MEF2C: variants seen among roughly 807,000 people sequenced by gnomAD.
MEF2C encodes the protein myocyte enhancer factor 2C, also known as myocyte-specific enhancer factor 2C.
Under a neutral mutation model 50.5 loss-of-function variants are expected in MEF2C, and 6 were observed. That is an observed-to-expected ratio of 0.12 (90% CI 0.07 to 0.23). The LOEUF is 0.23. MEF2C is among the 10% of genes least tolerant of loss of function. The pLI is 1.00. For synonymous variants in MEF2C, 183 were observed against 228.0 expected, an observed-to-expected ratio of 0.80 and a Z score of 1.78; for missense variants, 276 against 605.0, an observed-to-expected ratio of 0.46 and a Z score of 5.70.
chr5:88,824,136 A>C (rs1416029557), intron 1 of MEF2C: 1 of 891,764 alleles, frequency 1.1e-6, no homozygotes, highest in African/African-American at 1.8e-5. Context: ...AAATGATCTC[A>C]TAAGTAATTT....
intron 3 of MEF2C, among the ~76,000 whole-genome samples, chr5:88,804,006 C>A (rs1799372428): frequency 6.6e-6 from 1 of 152,056 alleles, no homozygotes; most frequent in African/African-American, 2.4e-5. Flanking sequence ...ATTTCTGATT[C>A]CATGTATATT....
At chr5:88,775,966 C>G (rs1344041143) in intron 3 of MEF2C, 1 of 225,522 alleles carries the variant, frequency 4.4e-6, no homozygotes, top group Non-Finnish European at 7.4e-6. Context: ...AGGAATGAGC[C>G]AAATGTTTCA....
intron 1 of MEF2C, among the ~76,000 whole-genome samples, chr5:88,845,777 GCT>G (rs1391023075): frequency 6.6e-6 from 1 of 151,968 alleles, no homozygotes; most frequent in Non-Finnish European, 1.5e-5. Flanking sequence ...ATGGAGTCTC[GCT>G]CTGTCGCCAG....
At chr5:88,769,498 C>A (rs1320269266) in intron 3 of MEF2C, among the ~76,000 whole-genome samples, 3 of 152,170 alleles carry the variant, frequency 2.0e-5, no homozygotes, top group Non-Finnish European at 4.4e-5. Context: ...ATGGGGAAGT[C>A]TGGCACACGT....
intron 3 of MEF2C, among the ~76,000 whole-genome samples, chr5:88,773,499 A>G (rs1325940230): frequency 1.3e-5 from 2 of 152,142 alleles, no homozygotes; most frequent in African/African-American, 2.4e-5. Flanking sequence ...GTTATTTCAT[A>G]TTGTTGCTAT....
intron 3 of MEF2C, among the ~76,000 whole-genome samples, chr5:88,788,743 C>CTATG (rs1329900786): frequency 6.6e-6 from 1 of 152,100 alleles, no homozygotes; most frequent in Non-Finnish European, 1.5e-5. Flanking sequence ...TAATGCAGAT[C>CTATG]TATGTCTTTT....
chr5:88,861,061 A>T (rs1196620818), intron 1 of MEF2C, among the ~76,000 whole-genome samples: 1 of 152,244 alleles, frequency 6.6e-6, no homozygotes, highest in African/African-American at 2.4e-5. Flanking sequence ...AAAAAGCAGG[A>T]TTCTATAGAA....
chr5:88,778,509 T>A (rs887877406), intron 3 of MEF2C, among the ~76,000 whole-genome samples: 7 of 152,030 alleles, frequency 4.6e-5, no homozygotes, highest in African/African-American at 1.5e-4. Flanking sequence ...GGGAATAGAT[T>A]GGGGAAAAGA....
At chr5:88,832,297 T>C (rs1184332405) in intron 1 of MEF2C, among the ~76,000 whole-genome samples, 2 of 152,142 alleles carry the variant, frequency 1.3e-5, no homozygotes, top group Admixed American at 6.6e-5. Context: ...TTGCTTATAA[T>C]GATCTTTTAA....
chr5:88,834,527 A>T (rs868058536), intron 1 of MEF2C, among the ~76,000 whole-genome samples: 64 of 152,176 alleles, frequency 4.2e-4, no homozygotes, highest in African/African-American at 1.5e-3. Context: ...AAAGGGCAAC[A>T]CACAAGTGCA....
At chr5:88,748,187 T>C (rs964580990) in intron 6 of MEF2C, 1 of 983,402 alleles carries the variant, frequency 1.0e-6, no homozygotes, top group South Asian at 4.7e-5. Context: ...TTCTTATAAT[T>C]AGCAGGCTAT....
At chr5:88,769,225 G>A (rs1471381417) in intron 3 of MEF2C, among the ~76,000 whole-genome samples, 1 of 152,150 alleles carries the variant, frequency 6.6e-6, no homozygotes, top group Non-Finnish European at 1.5e-5. Flanking sequence ...TCAAATTCTT[G>A]GGCAAAGTTC....
At chr5:88,735,058 T>C (rs1763534073) in intron 6 of MEF2C, 2 of 985,240 alleles carry the variant, frequency 2.0e-6, no homozygotes, top group Admixed American at 6.2e-5. Context: ...GGACATAATA[T>C]AGATTCAGGA....
intron 1 of MEF2C, among the ~76,000 whole-genome samples, chr5:88,903,189 A>G (rs1835836509): frequency 6.6e-6 from 1 of 151,852 alleles, no homozygotes; most frequent in South Asian, 2.1e-4. Context: ...ATATATAAAT[A>G]TACGAATTTT....
intron 1 of MEF2C, among the ~76,000 whole-genome samples, chr5:88,896,487 T>C (rs1306792354): frequency 1.3e-5 from 2 of 152,220 alleles, no homozygotes; most frequent in Non-Finnish European, 2.9e-5. Context: ...GGGAGAGGTT[T>C]AGGGACAGAG....
At chr5:88,864,904 A>G (rs1404951977) in intron 1 of MEF2C, among the ~76,000 whole-genome samples, 1 of 151,530 alleles carries the variant, frequency 6.6e-6, no homozygotes, top group Non-Finnish European at 1.5e-5. Context: ...AGTAGTTGGG[A>G]TTACAGGTGC....
chr5:88,823,701 AAAT>A, intron 2 of MEF2C, 31 bp downstream of exon 2: 4 of 1,535,364 alleles, frequency 2.6e-6, no homozygotes, highest in Non-Finnish European at 3.6e-6. Flanking sequence ...TATAATTAAT[AAAT>A]AATGATACAA....
chr5:88,899,124 G>A (rs1004061534), intron 1 of MEF2C, among the ~76,000 whole-genome samples: 4 of 152,062 alleles, frequency 2.6e-5, no homozygotes, highest in East Asian at 1.9e-4. Flanking sequence ...TCAAAGCTTC[G>A]TGTCATAACA....
chr5:88,847,584 A>G (rs1385695467), intron 1 of MEF2C, among the ~76,000 whole-genome samples: 1 of 152,176 alleles, frequency 6.6e-6, no homozygotes, highest in Admixed American at 6.5e-5. Context: ...GACCTGGACA[A>G]TATTTTAAGA....
Sources: allele counts gnomAD v4.1 joint callset (sites outside exome capture counted in the v4.1 genomes callset), GRCh38; gene constraint gnomAD v4.1.1; transcripts MANE v1.5; gene names NCBI Gene and HGNC (gene_info 2026-07-23, HGNC 2026-07-21).